The following PRRG4 variants were observed in gnomAD, a reference collection of about 807,000 sequenced individuals.
The protein encoded by PRRG4 is proline rich and Gla domain 4.
A neutral mutation model predicts 20.0 loss-of-function variants in PRRG4; 12 were observed. The observed-to-expected ratio is 0.60, with a 90% CI of 0.38 to 0.97. PRRG4 has a LOEUF of 0.97. Ranked by LOEUF, PRRG4 falls within the 50% of genes least tolerant of loss-of-function variation. The pLI is 0.00. For missense variants in PRRG4, 199 were observed against 265.1 expected (o/e 0.75, Z 1.73); for synonymous variants, 94 against 96.4 (o/e 0.98, Z 0.15).
At position 32,855,678 on chromosome 11, in the gene PRRG4, T is replaced by C. The variant is rs1851223140; in HGVS notation, c.*2151T>C. The C allele has an allele frequency of 6.6e-6, 1 of 152,240 alleles. No individual in the cohort carries two copies. The highest frequency in any genetic ancestry group is 2.4e-5 in the African/African-American group (1 of 41,464). The allele number at this position is 152,240 out of a possible 1,614,324, so 9.4% of individuals were successfully genotyped here. ...TTTGTTGCTTGTTGCAAATAAATCA[T>C]CTAGCAACATTTACATTTAATTAGG... On this transcript the variant is annotated 3_prime_UTR_variant, in exon 6 of 6. Coordinates refer to ENST00000257836, the MANE Select transcript of PRRG4 (RefSeq NM_024081.6).
At chr11:32,831,031 A>G (rs186638165) in intron 2 of PRRG4, among the ~76,000 whole-genome samples, 3 of 152,300 alleles carry the variant, frequency 2.0e-5, no homozygotes, top group African/African-American at 7.2e-5. Flanking sequence ...TGGGCGAGAT[A>G]ACTTAATCCC....
intron 5 of PRRG4, among the ~76,000 whole-genome samples, chr11:32,850,425 T>C (rs1478158275): frequency 6.6e-6 from 1 of 152,210 alleles, no homozygotes; most frequent in Non-Finnish European, 1.5e-5. Flanking sequence ...AAACCCTGGA[T>C]ACCTTTTATT....
chr11:32,842,719 T>G (rs1481891982), intron 5 of PRRG4, among the ~76,000 whole-genome samples: 1 of 152,054 alleles, frequency 6.6e-6, no homozygotes, highest in Non-Finnish European at 1.5e-5. Context: ...AAACTCTGTC[T>G]CAAAACATTA....
chr11:32,850,531 AG>A (rs1447678670), intron 5 of PRRG4, among the ~76,000 whole-genome samples: 1 of 152,222 alleles, frequency 6.6e-6, no homozygotes, highest in Non-Finnish European at 1.5e-5. Flanking sequence ...TGTTCCCCTC[AG>A]CAACTCTCTG....
Position 32,836,831 on chromosome 11 carries a change from T to G in PRRG4, c.267+10T>G. ...GGATGAAGATAAAACGGTAATGTGG[T>G]TGATTATGTTAATTGGCTGGAAATG... On this transcript the variant is annotated intron_variant, in intron 3 of 5. Transcript: ENST00000257836. 6.2e-7 allele frequency: 1 copy of G among 1,603,948 alleles called. No individual in the cohort carries two copies. The highest frequency in any genetic ancestry group is 2.2e-5 in the East Asian group (1 of 44,696).
intron 5 of PRRG4, among the ~76,000 whole-genome samples, chr11:32,849,436 G>A (rs1003088729): frequency 4.6e-5 from 7 of 151,944 alleles, no homozygotes; most frequent in African/African-American, 1.2e-4. Flanking sequence ...AGGCCGAGAC[G>A]GGCAGATCAC....
chr11:32,846,722 A>C (rs1851133965), intron 5 of PRRG4, among the ~76,000 whole-genome samples: 1 of 152,152 alleles, frequency 6.6e-6, no homozygotes. Context: ...ACTTGGGGCC[A>C]CACGCGGTGG....
chr11:32,853,175 A>T (rs1851198983), intron 5 of PRRG4, 121 bp from the exon 6 acceptor site: 1 of 697,924 alleles, frequency 1.4e-6, no homozygotes, highest in South Asian at 1.8e-5. Context: ...GTAAAATAAA[A>T]CTGTTATATT....
chr11:32,840,529 TC>T lies in PRRG4; in HGVS notation c.449+293del, dbSNP rs1386943851. Among the ~76,000 whole-genome samples the T allele has an allele frequency of 6.6e-6, 1 of 152,226 alleles. No homozygotes were observed. Among genetic ancestry groups the T allele is most frequent in the African/African-American group, 2.4e-5 (1 of 41,458 alleles). On this transcript the variant is annotated intron_variant, in intron 5 of 5. Transcript: ENST00000257836. This position sits in a 1 kb window ranked among gnomAD's most constrained non-coding sequence, Gnocchi z 4.1. ...CTCCAGACTTTGATTTCAGCAGTTT[TC>T]CCACTGGTGTTTTCCTTCTGCTGCA...
At chr11:32,836,039 T>A (rs767545482) in intron 2 of PRRG4, among the ~76,000 whole-genome samples, 1 of 151,906 alleles carries the variant, frequency 6.6e-6, no homozygotes, top group South Asian at 2.1e-4. Flanking sequence ...GAGGCGGAGA[T>A]TGCAGTGAGC....
chr11:32,849,905 A>G (rs1443466736), intron 5 of PRRG4, among the ~76,000 whole-genome samples: 1 of 152,208 alleles, frequency 6.6e-6, no homozygotes, highest in Non-Finnish European at 1.5e-5. Flanking sequence ...AAAAAATTTG[A>G]GAAGTTAGAG....
At chr11:32,844,086 T>G (rs940515386) in intron 5 of PRRG4, among the ~76,000 whole-genome samples, 1 of 152,220 alleles carries the variant, frequency 6.6e-6, no homozygotes, top group South Asian at 2.1e-4. Context: ...CCAAGGTGTA[T>G]TCTCCCTATC....
intron 5 of PRRG4, among the ~76,000 whole-genome samples, chr11:32,842,535 AC>A (rs1417265940): frequency 6.6e-6 from 1 of 152,098 alleles, no homozygotes; most frequent in African/African-American, 2.4e-5. Flanking sequence ...AGCCTGACCA[AC>A]AAGGAGAAAC....
chr11:32,837,337 C>A (rs1851029591), intron 3 of PRRG4, among the ~76,000 whole-genome samples: 1 of 151,842 alleles, frequency 6.6e-6, no homozygotes. Context: ...AACATATAGC[C>A]CTTGTATTCG....
Position 32,853,671 on chromosome 11 carries a change from T to G in PRRG4, c.*144T>G. 1.6e-6 allele frequency: 1 copy of G among 624,720 alleles called. No individual in the cohort carries two copies. Among genetic ancestry groups the G allele is most frequent in the Non-Finnish European group, 2.7e-6 (1 of 363,734 alleles). 38.7% of individuals were successfully genotyped at this position (624,720 alleles called of 1,614,324 possible). A position where few individuals can be genotyped will look rare whatever the true frequency, so the allele number is the denominator to read the frequency against. On this transcript the variant is annotated 3_prime_UTR_variant, in exon 6 of 6. Coordinates refer to ENST00000257836, the MANE Select transcript of PRRG4 (RefSeq NM_024081.6). Reference sequence around the variant, plus strand: ...GGTGAAACCCGGTCTCTACTAAAAATTCAAAAATTACCTAGGCGTCATGGG... The same window carrying G: ...GGTGAAACCCGGTCTCTACTAAAAAGTCAAAAATTACCTAGGCGTCATGGG...
chr11:32,851,076 AAATAAT>A (rs113546084), intron 5 of PRRG4, among the ~76,000 whole-genome samples: 2 of 151,750 alleles, frequency 1.3e-5, no homozygotes, highest in African/African-American at 2.4e-5. Flanking sequence ...TCAGTCGCAA[AAATAAT>A]AATAATAATA....
chr11:32,842,502 C>A (rs1027703620), intron 5 of PRRG4, among the ~76,000 whole-genome samples: 17 of 152,114 alleles, frequency 1.1e-4, no homozygotes, highest in African/African-American at 3.1e-4. Context: ...GGGCAGATCA[C>A]CTGAGGTCAG....
chr11:32,856,118 ATATT>A lies in PRRG4; in HGVS notation c.*2595_*2598del, dbSNP rs1372880156. On this transcript the variant is annotated 3_prime_UTR_variant, in exon 6 of 6. Transcript: ENST00000257836. Reference sequence around the variant, plus strand: ...GATGTATTCTCATATACATATGAAAATATTTATGATGAATAGAATTATAAGATAT... The same window carrying A: ...GATGTATTCTCATATACATATGAAAATATGATGAATAGAATTATAAGATAT... 22 of 152,202 alleles carry A rather than the reference ATATT, an allele frequency of 1.4e-4. No homozygotes were observed. The highest frequency in any genetic ancestry group is 2.8e-4 in the Non-Finnish European group (19 of 68,038). 9.4% of individuals were successfully genotyped at this position (152,202 alleles called of 1,614,324 possible). A position where few individuals can be genotyped will look rare whatever the true frequency, so the allele number is the denominator to read the frequency against.
In PRRG4 at chr11:32,830,026, G is replaced by T. The variant is rs1044676169; in HGVS notation, c.-170G>T. ...CCAGGCCCTTCCCAGGTTTGCGCGCGGGGGCCATCCAGACCCTGCGGAGAG... is the reference window on the plus strand; with the variant it reads ...CCAGGCCCTTCCCAGGTTTGCGCGCTGGGGCCATCCAGACCCTGCGGAGAG... On this transcript the variant is annotated 5_prime_UTR_variant, in exon 1 of 6. Transcript: ENST00000257836. 3 of 985,920 alleles carry T rather than the reference G, an allele frequency of 3.0e-6. No homozygotes were observed. Among genetic ancestry groups the T allele is most frequent in the African/African-American group, 1.7e-5 (1 of 57,400 alleles). The allele number at this position is 985,920 out of a possible 1,614,324, so 61.1% of individuals were successfully genotyped here.
Sources: gnomAD v4.1 joint callset for allele counts (sites outside exome capture counted in the v4.1 genomes callset) on GRCh38, gnomAD v4.1.1 for gene constraint, Gnocchi (gnomAD v3.1) non-coding constraint, MANE v1.5 for transcripts, NCBI Gene and HGNC (gene_info 2026-07-23, HGNC 2026-07-21) for gene names.